Variants in ITGA4 observed in about 807,000 individuals in gnomAD.
ITGA4 encodes the protein integrin subunit alpha 4, also known as integrin alpha-4.
ITGA4 carries 63 observed loss-of-function variants against 133.6 expected under a neutral mutation model. The ratio of observed to expected loss-of-function variants is 0.47; its 90% CI spans 0.38 to 0.58. ITGA4 has a LOEUF of 0.58. Ranked by LOEUF, ITGA4 falls within the 20% of genes least tolerant of loss-of-function variation. The pLI, the probability that ITGA4 is intolerant of heterozygous loss-of-function variation, is 0.00. For synonymous variants in ITGA4, 483 were observed against 438.0 expected (o/e 1.10, Z -1.28); for missense variants, 1,076 against 1,252.7 (o/e 0.86, Z 2.13).
rs754431739 is a variant in ITGA4, at chr2:181,482,374, C to T, written c.855C>T (p.Ser285=). ...CCTAATTACAGGCATATATATTCAG[C>T]ATTGATGAAAAAGAACTAAATATCT... ...HEQIGKAYIF[S]IDEKELNILH... is the part of the protein sequence containing the mutation. Residue 285 remains serine (S), a synonymous_variant, in exon 8 of 28, where the codon AGC becomes AGT. Coordinates refer to ENST00000397033, the MANE Select transcript of ITGA4 (RefSeq NM_000885.6). The T allele has an allele frequency of 6.2e-7, 1 of 1,611,698 alleles. No homozygotes were observed. Among genetic ancestry groups the T allele is most frequent in the Non-Finnish European group, 8.5e-7 (1 of 1,178,678 alleles).
In ITGA4 at chr2:181,537,276, TCAGAAA is replaced by T; in HGVS notation, c.*1752_*1757del. Reference sequence around the variant, plus strand: ...TTGGTTCTTTCCTACTCAGAACTACTCAGAAACAACTATATATTTCAGGTTATCTGA... The same window carrying T: ...TTGGTTCTTTCCTACTCAGAACTACTCAACTATATATTTCAGGTTATCTGA... On this transcript the variant is annotated 3_prime_UTR_variant, in exon 28 of 28. Coordinates refer to ENST00000397033, the MANE Select transcript of ITGA4 (RefSeq NM_000885.6). 2.2e-6 allele frequency: 1 copy of T among 453,986 alleles called. No individual in the cohort carries two copies. The allele number at this position is 453,986 out of a possible 1,614,324, so 28.1% of individuals were successfully genotyped here. A position where few individuals can be genotyped will look rare whatever the true frequency, so the allele number is the denominator to read the frequency against.
chr2:181,527,476 G>A (rs1434941186), intron 22 of ITGA4, 89 bp downstream of exon 22: 10 of 880,846 alleles, frequency 1.1e-5, no homozygotes, highest in East Asian at 8.2e-5. Flanking sequence ...CACCTATGAC[G>A]TCCTTCAGCC....
At position 181,537,369 on chromosome 2, in the gene ITGA4, C is replaced by CAATT. The variant is rs1351134376; in HGVS notation, c.*1844_*1847dup. The CAATT allele has an allele frequency of 2.2e-5, 10 of 453,664 alleles. No homozygotes were observed. Among genetic ancestry groups the CAATT allele is most frequent in the Admixed American group, 9.4e-5 (4 of 42,526 alleles). 28.1% of individuals were successfully genotyped at this position (453,664 alleles called of 1,614,324 possible). On this transcript the variant is annotated 3_prime_UTR_variant, in exon 28 of 28. Coordinates refer to ENST00000397033, the MANE Select transcript of ITGA4 (RefSeq NM_000885.6). ...AGGCCTCTCAGATACAAGGGGAACA[C>CAATT]AATTACATATTGGGCTAGATTTTGC...
At chr2:181,507,296 T>C (rs1345222258) in intron 15 of ITGA4, among the ~76,000 whole-genome samples, 1 of 152,150 alleles carries the variant, frequency 6.6e-6, no homozygotes, top group East Asian at 1.9e-4. Flanking sequence ...ATTTTTGCAG[T>C]GTCTAAATCT....
In ITGA4 at chr2:181,538,157, T is replaced by G; in HGVS notation, c.*2630T>G. 2 of 1,439,654 alleles carry G rather than the reference T, an allele frequency of 1.4e-6. No homozygotes were observed. The highest frequency in any genetic ancestry group is 2.0e-6 in the Non-Finnish European group (2 of 1,024,260). 89.2% of individuals were successfully genotyped at this position (1,439,654 alleles called of 1,614,324 possible). ...TTCTTTATATTAAAATTCTAGTTTGTACATTTCTTTTAGAAACAATTACAT... is the reference window on the plus strand; with the variant it reads ...TTCTTTATATTAAAATTCTAGTTTGGACATTTCTTTTAGAAACAATTACAT... On this transcript the variant is annotated 3_prime_UTR_variant, in exon 28 of 28. Transcript: ENST00000397033.
Position 181,495,263 on chromosome 2 carries a change from T to C in ITGA4, c.1340-108T>C. 1.3e-6 allele frequency: 1 copy of C among 765,556 alleles called. No homozygotes were observed. The highest frequency in any genetic ancestry group is 2.1e-5 in the Admixed American group (1 of 47,906). The allele number at this position is 765,556 out of a possible 1,614,324, so 47.4% of individuals were successfully genotyped here. A position where few individuals can be genotyped will look rare whatever the true frequency, so the allele number is the denominator to read the frequency against. On this transcript the variant is annotated intron_variant, in intron 12 of 27. Transcript: ENST00000397033. The surrounding 1 kb of genome is among the most constrained non-coding windows in gnomAD (Gnocchi z 4.3). ...CATATATTCTCTAATTTTCTATAAA[T>C]AGTGTTTTAGGTAGTCAAAGGTGAT...
chr2:181,530,517 T>G lies in ITGA4; in HGVS notation c.2539-7T>G. ...GATAAGATTTCTCTTGCTTTCTGTC[T>G]TCATAGACTACTACTGGAGAATGCC... On this transcript the variant is annotated splice_region_variant and splice_polypyrimidine_tract_variant and intron_variant, in intron 23 of 27. Transcript: ENST00000397033. The G allele has an allele frequency of 6.2e-7, 1 of 1,608,074 alleles. No homozygotes were observed. The highest frequency in any genetic ancestry group is 8.5e-7 in the Non-Finnish European group (1 of 1,176,078).
chr2:181,535,547 A>G lies in ITGA4; in HGVS notation c.*20A>G, dbSNP rs754453086. 1 of 1,583,904 alleles carries G rather than the reference A, an allele frequency of 6.3e-7. No homozygotes were observed. Among genetic ancestry groups the G allele is most frequent in the Non-Finnish European group, 8.6e-7 (1 of 1,167,042 alleles). ...GATTAAGGACTTCTTTCAAATTGAG[A>G]GAATGGAAAACAGACTCAGGTTGTA... On this transcript the variant is annotated 3_prime_UTR_variant, in exon 28 of 28. Transcript: ENST00000397033.
At chr2:181,463,516 T>C (rs1685338164) in intron 2 of ITGA4, among the ~76,000 whole-genome samples, 1 of 152,108 alleles carries the variant, frequency 6.6e-6, no homozygotes, top group African/African-American at 2.4e-5. Flanking sequence ...TGAAGGTATT[T>C]AGGAGATAGC....
intron 9 of ITGA4, among the ~76,000 whole-genome samples, chr2:181,483,174 G>T (rs545512969): frequency 2.0e-5 from 3 of 152,000 alleles, no homozygotes; most frequent in Non-Finnish European, 4.4e-5. Flanking sequence ...TATAAAATTG[G>T]CAAGGTTTAT....
chr2:181,522,109 A>G (rs1378694278), intron 17 of ITGA4, 82 bp from the exon 18 acceptor site: 3 of 700,188 alleles, frequency 4.3e-6, no homozygotes, highest in Non-Finnish European at 6.8e-6. Flanking sequence ...CATAAATTAT[A>G]TACATATATC....
intron 10 of ITGA4, among the ~76,000 whole-genome samples, chr2:181,488,766 A>G (rs375158439): frequency 2.3e-4 from 35 of 151,964 alleles, no homozygotes; most frequent in Non-Finnish European, 2.8e-4. Flanking sequence ...CACTGTGTTA[A>G]CCAGGATGGT....
At chr2:181,496,319 C>T (rs970687017) in intron 14 of ITGA4, among the ~76,000 whole-genome samples, 1 of 151,986 alleles carries the variant, frequency 6.6e-6, no homozygotes, top group African/African-American at 2.4e-5. Context: ...GTCTATAATC[C>T]CAGCACTTGA....
chr2:181,490,455 A>AT (rs5836792), intron 10 of ITGA4, among the ~76,000 whole-genome samples: 1 of 145,428 alleles, frequency 6.9e-6, no homozygotes, highest in African/African-American at 2.6e-5. Context: ...ACATGATTTC[A>AT]TTTTTTTTTT....
rs563715811 is a variant in ITGA4, at chr2:181,536,781, ATATT to A, written c.*1260_*1263del. ...TTCTTTAAATACAATCATTTTTGTA[ATATT>A]TATTTTATGCTTATGATCTAGATAA... On this transcript the variant is annotated 3_prime_UTR_variant, in exon 28 of 28. Coordinates refer to ENST00000397033, the MANE Select transcript of ITGA4 (RefSeq NM_000885.6). The A allele has an allele frequency of 3.0e-3, 732 of 244,800 alleles. 5 individuals are homozygous for A. The highest frequency in any genetic ancestry group is 5.9e-3 in the Admixed American group (117 of 19,700). The allele number at this position is 244,800 out of a possible 1,614,324, so 15.2% of individuals were successfully genotyped here.
intron 15 of ITGA4, among the ~76,000 whole-genome samples, chr2:181,507,404 A>G (rs1686415152): frequency 6.6e-6 from 1 of 152,124 alleles, no homozygotes; most frequent in Non-Finnish European, 1.5e-5. Context: ...AAATCTTATT[A>G]GCTTACCCTT....
At position 181,480,210 on chromosome 2, in the gene ITGA4, A is replaced by C. The variant is rs1685772780; in HGVS notation, c.698A>C (p.Asn233Thr). The change falls in exon 6 of 28, where the codon AAT becomes ACT. Residue 233 changes from asparagine (N) to threonine (T), a missense_variant. Physicochemically the swap from Asn to Thr is moderately conservative, Grantham distance 65. Coordinates refer to ENST00000397033, the MANE Select transcript of ITGA4 (RefSeq NM_000885.6). ...CTTTTTGTCTACAATATAACTACAAATAAATACAAGGCTTTTTTAGACAAA... is the reference window on the plus strand; with the variant it reads ...CTTTTTGTCTACAATATAACTACAACTAAATACAAGGCTTTTTTAGACAAA... ...GSLFVYNITTNKYKAFLDKQN... is the reference protein window; with the variant it reads ...GSLFVYNITTTKYKAFLDKQN... The C allele has an allele frequency of 6.5e-7, 1 of 1,536,036 alleles. No individual in the cohort carries two copies. Among genetic ancestry groups the C allele is most frequent in the East Asian group, 2.3e-5 (1 of 43,258 alleles).
chr2:181,524,243 G>A lies in ITGA4; in HGVS notation c.2242G>A (p.Ala748Thr), dbSNP rs1388502344. 2 of 1,556,764 alleles carry A rather than the reference G, an allele frequency of 1.3e-6. No individual in the cohort carries two copies. The highest frequency in any genetic ancestry group is 1.8e-6 in the Non-Finnish European group (2 of 1,142,614). The part of the protein sequence containing the change: ...AEEDLSITVH[A>T]TCENEEEMDN... ...AGAGGACCTCAGTATCACAGTGCAT[G>A]CTACCTGGTATAATTTATTGTTAAT... The change falls in exon 20 of 28, where the codon GCT becomes ACT. Residue 748 changes from alanine to threonine, a missense_variant. Ala to Thr is a moderately conservative substitution (Grantham distance 58, BLOSUM62 0). Around this residue, in one of 4 missense-constraint regions of ITGA4, gnomAD observed 365 missense variants for 421.4 expected, o/e 0.87. Transcript: ENST00000397033.
intron 25 of ITGA4, among the ~76,000 whole-genome samples, chr2:181,532,288 G>T (rs185958018): frequency 1.3e-5 from 2 of 152,132 alleles, no homozygotes; most frequent in Admixed American, 6.6e-5. Flanking sequence ...CTAATTCTGT[G>T]AAGAAAGTCA....
Sources: allele counts gnomAD v4.1 joint callset (sites outside exome capture counted in the v4.1 genomes callset), GRCh38; gene constraint gnomAD v4.1.1; regional missense constraint gnomAD v4.1.1; non-coding constraint Gnocchi (gnomAD v3.1); transcripts MANE v1.5; gene names NCBI Gene and HGNC (gene_info 2026-07-23, HGNC 2026-07-21).